Variants in TBC1D22A observed in about 807,000 individuals in gnomAD.
TBC1D22A encodes putative GTPase activator.
A neutral mutation model predicts 60.2 loss-of-function variants in TBC1D22A; 38 were observed. The observed-to-expected ratio is 0.63, with a 90% CI of 0.49 to 0.83. The LOEUF (loss-of-function observed/expected upper bound fraction) is 0.83, where lower values mean the gene tolerates loss of function less well. Ranked by LOEUF, TBC1D22A falls within the 40% of genes least tolerant of loss-of-function variation. The pLI is 0.00. For missense variants in TBC1D22A, 628 were observed against 701.0 expected (o/e 0.90, Z 1.18); for synonymous variants, 302 against 281.7 (o/e 1.07, Z -0.72).
intron 4 of TBC1D22A, among the ~76,000 whole-genome samples, chr22:46,815,798 G>A (rs1258183219): frequency 6.6e-6 from 1 of 152,148 alleles, no homozygotes; most frequent in Non-Finnish European, 1.5e-5. Flanking sequence ...GAAGGGGATG[G>A]GTGCCTGGAC....
At chr22:47,160,621 G>A (rs912292041) in intron 12 of TBC1D22A, among the ~76,000 whole-genome samples, 3 of 152,200 alleles carry the variant, frequency 2.0e-5, no homozygotes, top group African/African-American at 7.2e-5. Flanking sequence ...GAAAGTACAG[G>A]GGTCTTCGCT....
intron 1 of TBC1D22A, among the ~76,000 whole-genome samples, chr22:46,774,920 G>A (rs2083639478): frequency 6.6e-6 from 1 of 152,212 alleles, no homozygotes; most frequent in Admixed American, 6.5e-5. Flanking sequence ...AGTGTGCCGT[G>A]CAGCTTTCTG....
In TBC1D22A at chr22:47,051,107, G is replaced by T. The variant is rs575900964; in HGVS notation, c.1329+13909G>T. On this transcript the variant is annotated intron_variant, in intron 11 of 12. Coordinates refer to ENST00000337137, the MANE Select transcript of TBC1D22A (RefSeq NM_014346.5). Reference sequence around the variant, plus strand: ...GCCTGGCAGGTCATGTGGGAGGCTGGGTCATTGCAGGGGGACCTCTCCTCC... The same window carrying T: ...GCCTGGCAGGTCATGTGGGAGGCTGTGTCATTGCAGGGGGACCTCTCCTCC... Among the ~76,000 whole-genome samples the T allele has an allele frequency of 1.1e-3, 133 of 125,802 alleles. 1 individual carries two copies. Among genetic ancestry groups the T allele is most frequent in the African/African-American group, 5.2e-3 (127 of 24,480 alleles). The allele number at this position is 125,802 out of a possible 152,430, so 82.5% of individuals were successfully genotyped here.
chr22:46,991,258 A>T (rs1029850369), intron 9 of TBC1D22A, among the ~76,000 whole-genome samples: 7 of 152,304 alleles, frequency 4.6e-5, no homozygotes, highest in African/African-American at 1.7e-4. Context: ...TTGTGCTCTG[A>T]GGGTGCTTTC....
intron 8 of TBC1D22A, among the ~76,000 whole-genome samples, chr22:46,935,292 C>T (rs558588358): frequency 5.3e-5 from 8 of 152,318 alleles, no homozygotes; most frequent in African/African-American, 1.7e-4. Context: ...AAATTAGAAA[C>T]TTTGGTTGAA....
chr22:46,888,403 C>G (rs559259389), intron 5 of TBC1D22A, among the ~76,000 whole-genome samples: 2 of 152,232 alleles, frequency 1.3e-5, no homozygotes, highest in African/African-American at 2.4e-5. Flanking sequence ...GAAACACTTT[C>G]AAAGGCTAAA....
intron 4 of TBC1D22A, among the ~76,000 whole-genome samples, chr22:46,817,987 T>C (rs2147078957): frequency 6.6e-6 from 1 of 152,340 alleles, no homozygotes; most frequent in African/African-American, 2.4e-5. Flanking sequence ...GTGGTTTTGA[T>C]TTGCATTTAT....
At chr22:46,804,971 CTA>C (rs1205970413) in intron 4 of TBC1D22A, among the ~76,000 whole-genome samples, 13 of 152,088 alleles carry the variant, frequency 8.5e-5, no homozygotes, top group Middle Eastern at 3.2e-3. Flanking sequence ...GGTATTTTCT[CTA>C]TGTGAGGGAT....
chr22:47,041,661 T>C (rs531139188), intron 11 of TBC1D22A, among the ~76,000 whole-genome samples: 15 of 152,352 alleles, frequency 9.8e-5, no homozygotes, highest in African/African-American at 3.6e-4. Context: ...TGTGCTTAGC[T>C]GTGCATCCCT....
intron 4 of TBC1D22A, among the ~76,000 whole-genome samples, chr22:46,807,958 C>A (rs1302117920): frequency 6.7e-6 from 1 of 149,770 alleles, no homozygotes; most frequent in Non-Finnish European, 1.5e-5. Flanking sequence ...CAGAGCAACA[C>A]CGTGTCTCTA....
chr22:47,152,368 G>A (rs1208508344), intron 12 of TBC1D22A, among the ~76,000 whole-genome samples: 1 of 152,202 alleles, frequency 6.6e-6, no homozygotes, highest in Non-Finnish European at 1.5e-5. Context: ...GGGGCACCGT[G>A]TCAGATCAGC....
chr22:47,117,376 C>CCTTCTCCCAACA (rs2066108307), intron 12 of TBC1D22A, among the ~76,000 whole-genome samples: 1 of 73,414 alleles, frequency 1.4e-5, no homozygotes. Context: ...CACACCGTGG[C>CCTTCTCCCAACA]ATCGAGCAGG....
At chr22:46,808,695 C>T (rs1257587473) in intron 4 of TBC1D22A, among the ~76,000 whole-genome samples, 3 of 152,064 alleles carry the variant, frequency 2.0e-5, no homozygotes, top group Non-Finnish European at 4.4e-5. Flanking sequence ...CCTGAGTTCA[C>T]GCCATTCTCT....
chr22:46,830,990 C>T (rs2086285408), intron 4 of TBC1D22A, among the ~76,000 whole-genome samples: 1 of 151,824 alleles, frequency 6.6e-6, no homozygotes. Flanking sequence ...GCCTCAGGGT[C>T]CCAGTGAGTC....
At chr22:47,067,642 G>T (rs1175165281) in intron 11 of TBC1D22A, among the ~76,000 whole-genome samples, 1 of 152,226 alleles carries the variant, frequency 6.6e-6, no homozygotes, top group African/African-American at 2.4e-5. Flanking sequence ...CATCATGGTG[G>T]GAGGTGGTGT....
At chr22:47,077,382 G>A (rs191541033) in intron 11 of TBC1D22A, among the ~76,000 whole-genome samples, 1 of 152,302 alleles carries the variant, frequency 6.6e-6, no homozygotes, top group East Asian at 1.9e-4. Context: ...GTGGCTAAGG[G>A]CAGTTTGTCC....
chr22:46,831,300 C>T (rs1354612329), intron 4 of TBC1D22A, among the ~76,000 whole-genome samples: 1 of 152,104 alleles, frequency 6.6e-6, no homozygotes, highest in Non-Finnish European at 1.5e-5. Context: ...TTTCCAGCAA[C>T]TCTCCAGAGT....
At chr22:46,928,196 A>G (rs955538698) in intron 8 of TBC1D22A, among the ~76,000 whole-genome samples, 1 of 152,208 alleles carries the variant, frequency 6.6e-6, no homozygotes, top group Non-Finnish European at 1.5e-5. Context: ...AGCTACATTA[A>G]TCAAGACTGT....
At chr22:46,968,948 T>A (rs1178802685) in intron 8 of TBC1D22A, among the ~76,000 whole-genome samples, 1 of 152,192 alleles carries the variant, frequency 6.6e-6, no homozygotes, top group East Asian at 1.9e-4. Context: ...TGTCCACTCG[T>A]CCATCTCTCC....
Sources: allele counts gnomAD v4.1 joint callset (sites outside exome capture counted in the v4.1 genomes callset), GRCh38; gene constraint gnomAD v4.1.1; transcripts MANE v1.5; gene names NCBI Gene and HGNC (gene_info 2026-07-23, HGNC 2026-07-21).